The following DCC variants were observed in gnomAD, a reference collection of about 807,000 sequenced individuals.
The protein encoded by DCC is netrin receptor DCC.
A neutral mutation model predicts 172.5 loss-of-function variants in DCC; 58 were observed. The ratio of observed to expected loss-of-function variants is 0.34; its 90% CI spans 0.27 to 0.42. DCC has a LOEUF of 0.42. Ranked by LOEUF, DCC falls within the 10% of genes least tolerant of loss-of-function variation. The probability of loss-of-function intolerance (pLI) is 1.00; values close to 1 mark genes in which losing one functional copy is unlikely to be tolerated. For synonymous variants in DCC, 709 were observed against 644.5 expected (o/e 1.10, Z -1.52); for missense variants, 1,740 against 1,791.0 (o/e 0.97, Z 0.51).
intron 12 of DCC, among the ~76,000 whole-genome samples, chr18:53,239,281 G>C (rs967793050): frequency 6.7e-6 from 1 of 148,326 alleles, no homozygotes; most frequent in Non-Finnish European, 1.5e-5. Flanking sequence ...TATAGTTACA[G>C]AAACTGGAGG....
rs562861317 is a variant in DCC at position 52,910,205 on chromosome 18, T to C, written c.697+3877T>C. ...TCCTGGAAACATATCACATGTGGCT[T>C]ATGGGTGAAGGGATGGAATCCAGAC... On this transcript the variant is annotated intron_variant, in intron 3 of 28. Transcript: ENST00000442544. Among the ~76,000 whole-genome samples the C allele has an allele frequency of 3.9e-5, 6 of 152,204 alleles. No individual in the cohort carries two copies. In the South Asian group the frequency reaches 1.2e-3, roughly 32 times the overall value.
chr18:53,148,865 C>CTTTTTTTTTTTTTTGTTTTTTTTTTTTTT (rs2043956687), intron 7 of DCC, among the ~76,000 whole-genome samples: 1 of 109,820 alleles, frequency 9.1e-6, no homozygotes, highest in Non-Finnish European at 1.8e-5. Context: ...TTCCCAATGC[C>CTTTTTTTTTTTTTTGTTTTTTTTTTTTTT]TTTTTTTTTT....
intron 1 of DCC, among the ~76,000 whole-genome samples, chr18:52,696,927 T>C (rs9965171): frequency 0.23 from 35,593 of 152,010 alleles, 4,883 homozygotes; most frequent in South Asian, 0.4. Flanking sequence ...TTTAATTCTG[T>C]AAATGTGGGA....
intron 24 of DCC, among the ~76,000 whole-genome samples, chr18:53,464,590 G>C (rs2045596168): frequency 6.6e-6 from 1 of 151,462 alleles, no homozygotes; most frequent in African/African-American, 2.4e-5. Flanking sequence ...ACTTTTCAAT[G>C]AATTCATGTA....
At chr18:53,226,129 C>T (rs2056024149) in intron 12 of DCC, among the ~76,000 whole-genome samples, 1 of 152,128 alleles carries the variant, frequency 6.6e-6, no homozygotes, top group African/African-American at 2.4e-5. Flanking sequence ...GGGACTTGAG[C>T]CCCAGCCAGG....
At position 53,177,872 on chromosome 18, in the gene DCC, T is replaced by C. The variant is rs74948097; in HGVS notation, c.1419-1090T>C. ...TCTGCCATCAGTCATATTAAGAGTG[T>C]AGATATGCCCAGGAATCATCATCAT... On this transcript the variant is annotated intron_variant, in intron 8 of 28. Coordinates refer to ENST00000442544, the MANE Select transcript of DCC (RefSeq NM_005215.4). Among the ~76,000 whole-genome samples, 856 of 152,314 alleles carry C rather than the reference T, an allele frequency of 5.6e-3. 6 individuals carry two copies. Among genetic ancestry groups the C allele is most frequent in the Admixed American group, 0.023 (350 of 15,290 alleles).
chr18:53,143,570 C>T (rs893897775), intron 7 of DCC, among the ~76,000 whole-genome samples: 5 of 152,112 alleles, frequency 3.3e-5, no homozygotes, highest in African/African-American at 1.2e-4. Context: ...TCTAGTCATC[C>T]CTTAGTGAAT....
intron 2 of DCC, among the ~76,000 whole-genome samples, chr18:52,820,704 AG>A (rs1374330090): frequency 6.6e-6 from 1 of 152,184 alleles, no homozygotes; most frequent in Non-Finnish European, 1.5e-5. Flanking sequence ...GAGGGTCACC[AG>A]ATAGAGAAGA....
chr18:52,723,023 A>T (rs1433360351), intron 1 of DCC, among the ~76,000 whole-genome samples: 2 of 152,198 alleles, frequency 1.3e-5, no homozygotes, highest in Non-Finnish European at 2.9e-5. Context: ...ATTTGAGAGC[A>T]TAGCTCTATT....
intron 1 of DCC, among the ~76,000 whole-genome samples, chr18:52,565,821 T>A (rs2033148130): frequency 6.6e-6 from 1 of 152,224 alleles, no homozygotes; most frequent in South Asian, 2.1e-4. Flanking sequence ...TCTTTTGCTA[T>A]GAAGAAGCTC....
chr18:53,184,002 TAAAAAAAA>T (rs201337705), intron 9 of DCC, among the ~76,000 whole-genome samples: 2 of 138,440 alleles, frequency 1.4e-5, no homozygotes, highest in African/African-American at 5.3e-5. Flanking sequence ...GCATCTCATT[TAAAAAAAA>T]AAAAAAAAAA....
rs147705754 is a variant in DCC, at chr18:53,090,995, T to C, written c.1261+24829T>C. The stretch of plus-strand genomic sequence containing the variant: ...CTCTGGCAACTACATTGTAACAGAG[T>C]GTCAGGAGTTGGTGCAGAATTCCAG... On this transcript the variant is annotated intron_variant, in intron 7 of 28. Coordinates refer to ENST00000442544, the MANE Select transcript of DCC (RefSeq NM_005215.4). Among the ~76,000 whole-genome samples, 841 of 151,874 alleles carry C rather than the reference T, an allele frequency of 5.5e-3. 6 individuals carry two copies. The highest frequency in any genetic ancestry group is 0.022 in the Admixed American group (340 of 15,236).
chr18:53,393,064 C>T (rs10163659), intron 17 of DCC, among the ~76,000 whole-genome samples: 64,620 of 151,990 alleles, frequency 0.43, 15,503 homozygotes, highest in Non-Finnish European at 0.55. Context: ...TCTCCTTATA[C>T]TTTAGCCAAT....
At chr18:52,430,724 A>T (rs572886140) in intron 1 of DCC, among the ~76,000 whole-genome samples, 1 of 152,300 alleles carries the variant, frequency 6.6e-6, no homozygotes, top group Admixed American at 6.5e-5. Context: ...TCCAATAGGG[A>T]ATTTCCTATT....
intron 1 of DCC, among the ~76,000 whole-genome samples, chr18:52,537,020 G>T (rs1338161504): frequency 1.3e-5 from 2 of 152,134 alleles, no homozygotes; most frequent in Admixed American, 1.3e-4. Flanking sequence ...ATAAGAGAGT[G>T]CAGGGAGCTA....
intron 1 of DCC, among the ~76,000 whole-genome samples, chr18:52,628,605 A>G (rs2034616886): frequency 6.6e-6 from 1 of 152,192 alleles, no homozygotes; most frequent in Admixed American, 6.5e-5. Context: ...CTTCCAAGTT[A>G]TAACCACTCC....
chr18:53,255,691 A>G (rs1387852008), intron 12 of DCC, among the ~76,000 whole-genome samples: 1 of 152,042 alleles, frequency 6.6e-6, no homozygotes, highest in Non-Finnish European at 1.5e-5. Flanking sequence ...GCATGTCTTT[A>G]TAGCAGCATG....
At chr18:53,428,952 A>G (rs186336162) in intron 21 of DCC, among the ~76,000 whole-genome samples, 2,850 of 62,368 alleles carry the variant, frequency 0.046, 525 homozygotes, top group African/African-American at 0.14. Context: ...ATTATATATA[A>G]CATATTATAT....
At chr18:52,969,609 C>CTCTCTG (rs1167364989) in intron 5 of DCC, among the ~76,000 whole-genome samples, 1 of 148,008 alleles carries the variant, frequency 6.8e-6, no homozygotes, top group Non-Finnish European at 1.5e-5. Context: ...CTCTCTCTCT[C>CTCTCTG]TCTCTCTCTC....
Sources: allele counts gnomAD v4.1 joint callset (sites outside exome capture counted in the v4.1 genomes callset), GRCh38; gene constraint gnomAD v4.1.1; transcripts MANE v1.5; gene names NCBI Gene and HGNC (gene_info 2026-07-23, HGNC 2026-07-21).